Variants in COQ8B observed in about 807,000 individuals in gnomAD.
COQ8B encodes atypical kinase COQ8B, mitochondrial.
A neutral mutation model predicts 62.0 loss-of-function variants in COQ8B; 44 were observed. The observed-to-expected ratio is 0.71, with a 90% CI of 0.56 to 0.91. The LOEUF (loss-of-function observed/expected upper bound fraction) is 0.91, where lower values mean the gene tolerates loss of function less well. Ranked by LOEUF, COQ8B falls within the 40% of genes least tolerant of loss-of-function variation. COQ8B has a pLI of 0.00. For synonymous variants in COQ8B, 252 were observed against 289.9 expected (o/e 0.87, Z 1.33); for missense variants, 649 against 731.6 (o/e 0.89, Z 1.30).
At chr19:40,714,671 T>A (rs781470297) in intron 1 of COQ8B, 36 bp from the exon 2 acceptor site, 1 of 1,528,938 alleles carries the variant, frequency 6.5e-7, no homozygotes, top group African/African-American at 1.4e-5. Context: ...CAGGTGGGAG[T>A]TGCCTGGCTT....
chr19:40,714,621 CT>C lies in COQ8B; in HGVS notation c.11del (p.Lys4ArgfsTer72). 1 of 1,608,470 alleles carries C rather than the reference CT, an allele frequency of 6.2e-7. No homozygotes were observed. On this transcript the variant is annotated frameshift_variant, in exon 2 of 15. Coordinates refer to ENST00000324464, the MANE Select transcript of COQ8B (RefSeq NM_024876.4). LOFTEE classifies it high-confidence loss of function. ...CGGTCCCCCGAAGTAGGCCCCCCAC[CT>C]TCAGCCACATTGCCTGGAGGAGAAG... is the stretch of plus-strand genomic sequence containing the variant. MWLKVGGLLRGTGG... is the reference protein window; with the variant it reads MWLXVGGLLRGTGG...
Position 40,714,519 on chromosome 19 carries a change from C to G in COQ8B, c.102+12G>C. The G allele has an allele frequency of 6.2e-7, 1 of 1,613,922 alleles. No homozygotes were observed. Among genetic ancestry groups the G allele is most frequent in the Non-Finnish European group, 8.5e-7 (1 of 1,179,892 alleles). On this transcript the variant is annotated intron_variant, in intron 2 of 14. Coordinates refer to ENST00000324464, the MANE Select transcript of COQ8B (RefSeq NM_024876.4). ...CCTCTTCCCCTTGGGGACCTGCTCC[C>G]TAGCCTCTTACCCAGCGGTGGGGCC...
chr19:40,701,204 C>T lies in COQ8B; in HGVS notation c.894-753G>A, dbSNP rs558715781. 2.6e-5 allele frequency: 4 copies of T among 152,400 alleles called. No individual in the cohort carries two copies. The East Asian group carries it at 7.7e-4, about 29-fold the overall frequency. 9.4% of individuals were successfully genotyped at this position (152,400 alleles called of 1,614,324 possible). Reference sequence around the variant, plus strand: ...ATTAGCTGGGCGTGGTGGCCTGCGCCTATGTTCCCAGCTACTCAGGAGGCT... The same window carrying T: ...ATTAGCTGGGCGTGGTGGCCTGCGCTTATGTTCCCAGCTACTCAGGAGGCT... On this transcript the variant is annotated intron_variant, in intron 10 of 14. Transcript: ENST00000324464.
At position 40,715,313 on chromosome 19, in the gene COQ8B, C is replaced by T. The variant is rs572669088; in HGVS notation, c.-3-678G>A. 1.8e-5 allele frequency: 18 copies of T among 985,830 alleles called. No homozygotes were observed. The African/African-American group carries it at 2.6e-4, about 14-fold the overall frequency. 61.1% of individuals were successfully genotyped at this position (985,830 alleles called of 1,614,324 possible). On this transcript the variant is annotated intron_variant, in intron 1 of 14. Transcript: ENST00000324464. ...GGGAGCGCAAGCGTGCCCTGTCTGC[C>T]CTTCCACTCACCTCAAAGTGCCTTG...
chr19:40,700,122 A>C lies in COQ8B; in HGVS notation c.1088T>G (p.Phe363Cys). 6.2e-7 allele frequency: 1 copy of C among 1,614,248 alleles called. No individual in the cohort carries two copies. Among genetic ancestry groups the C allele is most frequent in the Non-Finnish European group, 8.5e-7 (1 of 1,180,036 alleles). Reference sequence around the variant, plus strand: ...GGCCCAGTTGGGGTCAGTCTGCATGAATCGGAACTCAAACAGCTCCCGCAG... The same window carrying C: ...GGCCCAGTTGGGGTCAGTCTGCATGCATCGGAACTCAAACAGCTCCCGCAG... ...LCLRELFEFR[F>C]MQTDPNWANF... Residue 363 changes from phenylalanine to cysteine, a missense_variant, in exon 12 of 15, where the codon TTC (phenylalanine) becomes TGC (cysteine). Phe to Cys is a radical substitution (Grantham distance 205). Coordinates refer to ENST00000324464, the MANE Select transcript of COQ8B (RefSeq NM_024876.4).
At position 40,714,106 on chromosome 19, in the gene COQ8B, C is replaced by T. The variant is rs2082165133; in HGVS notation, c.250G>A (p.Val84Met). ...AAGCGGCTGATGCGGGAGGCAGGCA[C>T]CTTGCGTTCTCGAGAGCGGTCACTC... ...QLSDRSRERKVPASRISRLAN... is the reference protein window; with the variant it reads ...QLSDRSRERKMPASRISRLAN... The change falls in exon 4 of 15, where the codon GTG (valine) becomes ATG (methionine). Residue 84 changes from valine to methionine, a missense_variant. Val to Met is a conservative substitution (Grantham distance 21). Coordinates refer to ENST00000324464, the MANE Select transcript of COQ8B (RefSeq NM_024876.4). 1 of 1,614,158 alleles carries T rather than the reference C, an allele frequency of 6.2e-7. No individual in the cohort carries two copies. The highest frequency in any genetic ancestry group is 1.1e-5 in the South Asian group (1 of 91,086).
intron 3 of COQ8B, 27 bp from the exon 4 acceptor site, chr19:40,714,160 G>A (rs749889797): frequency 1.9e-6 from 3 of 1,613,878 alleles, no homozygotes; most frequent in Non-Finnish European, 2.5e-6. Flanking sequence ...AGGTCTGAGG[G>A]TGGGAAAGTG....
chr19:40,703,668 G>A, intron 8 of COQ8B, 46 bp from the exon 9 acceptor site: 1 of 1,613,818 alleles, frequency 6.2e-7, no homozygotes, highest in East Asian at 2.2e-5. Flanking sequence ...TCACTTCTCT[G>A]GGCTAGCAGG....
intron 5 of COQ8B, among the ~76,000 whole-genome samples, chr19:40,705,950 AAAAG>A (rs975907524): frequency 1.2e-4 from 18 of 151,492 alleles, no homozygotes; most frequent in South Asian, 2.1e-4. Flanking sequence ...AAAAAAAAAG[AAAAG>A]AAAGAAAGAA....
In COQ8B at chr19:40,705,119, A is replaced by G. The variant is rs755262527; in HGVS notation, c.553T>C (p.Phe185Leu). ...IFERVRQSAD[F>L]MPRWQMLRVL... ...ACCAGCATCTGCCAGCGGGGCATGAAGTCGGCGCTCTGGCGGACCCGCTCA... is the reference window on the plus strand; with the variant it reads ...ACCAGCATCTGCCAGCGGGGCATGAGGTCGGCGCTCTGGCGGACCCGCTCA... Residue 185 changes from phenylalanine (F) to leucine (L), a missense_variant, in exon 7 of 15, where the codon TTC becomes CTC. Physicochemically the swap from Phe to Leu is conservative, Grantham distance 22. Transcript: ENST00000324464. The G allele has an allele frequency of 2.5e-6, 4 of 1,611,660 alleles. No individual in the cohort carries two copies. In the Admixed American group the frequency reaches 5.0e-5, roughly 20 times the overall value.
At chr19:40,704,218 C>T (rs1367517434) in intron 7 of COQ8B, 2 of 183,512 alleles carry the variant, frequency 1.1e-5, no homozygotes, top group Non-Finnish European at 2.3e-5. Context: ...GGCACTCTCA[C>T]GGCTCACTGC....
chr19:40,700,447 G>A lies in COQ8B; in HGVS notation c.898C>T (p.Leu300=). Residue 300 remains leucine, a synonymous_variant, in exon 11 of 15, where the codon CTG becomes TTG. Coordinates refer to ENST00000324464, the MANE Select transcript of COQ8B (RefSeq NM_024876.4). The part of the protein sequence containing the change: ...EAACAQNFRQ[L]LANDPFFRVP... ...CGGAAGAAGGGGTCATTTGCCAGCA[G>A]CTGCCTGGGGCAGAAGGAAAGGGAG... 1 of 1,612,960 alleles carries A rather than the reference G, an allele frequency of 6.2e-7. No homozygotes were observed. The highest frequency in any genetic ancestry group is 2.2e-5 in the East Asian group (1 of 44,872).
At chr19:40,715,633 A>T in intron 1 of COQ8B, 1 of 983,936 alleles carries the variant, frequency 1.0e-6, no homozygotes, top group Non-Finnish European at 1.2e-6. Context: ...TCTCTCGTGT[A>T]CATACCCTCC....
intron 4 of COQ8B, among the ~76,000 whole-genome samples, chr19:40,711,403 T>C (rs2082140954): frequency 6.6e-6 from 1 of 152,116 alleles, no homozygotes; most frequent in Non-Finnish European, 1.5e-5. Flanking sequence ...ACCTAATTTT[T>C]TATTGAGACA....
rs758323023 is a variant in COQ8B at position 40,692,004 on chromosome 19, G to A, written c.*31C>T. 1 of 1,557,328 alleles carries A rather than the reference G, an allele frequency of 6.4e-7. No homozygotes were observed. The highest frequency in any genetic ancestry group is 1.9e-5 in the Admixed American group (1 of 52,096). ...GAGGCACTACAGCAGGGTACGGCCTGCTCTGGGGACTGAATCCCCCATGGA... is the reference window on the plus strand; with the variant it reads ...GAGGCACTACAGCAGGGTACGGCCTACTCTGGGGACTGAATCCCCCATGGA... On this transcript the variant is annotated 3_prime_UTR_variant, in exon 15 of 15. Transcript: ENST00000324464.
intron 12 of COQ8B, among the ~76,000 whole-genome samples, chr19:40,698,185 C>T (rs1327374756): frequency 6.7e-6 from 1 of 149,832 alleles, no homozygotes; most frequent in Non-Finnish European, 1.5e-5. Flanking sequence ...CATTGCACTC[C>T]AGCCTGGGTG....
intron 4 of COQ8B, among the ~76,000 whole-genome samples, 173 bp downstream of exon 4, chr19:40,713,894 T>C (rs1015369896): frequency 6.6e-6 from 1 of 151,108 alleles, no homozygotes; most frequent in Non-Finnish European, 1.5e-5. Context: ...AAAAAAAAAA[T>C]TATCATTTAT....
At chr19:40,703,385 G>A (rs1599631086) in intron 9 of COQ8B, 156 bp downstream of exon 9, 13 of 737,796 alleles carry the variant, frequency 1.8e-5, no homozygotes, top group Non-Finnish European at 2.8e-5. Context: ...ATGCTCCCTG[G>A]GCTCTCCCCG....
intron 14 of COQ8B, 89 bp downstream of exon 14, chr19:40,692,862 C>T (rs2081984543): frequency 1.7e-6 from 2 of 1,153,804 alleles, no homozygotes; most frequent in South Asian, 2.7e-5. Flanking sequence ...TGCCCCATCA[C>T]CTACTCGAGT....
Sources: allele counts gnomAD v4.1 joint callset (sites outside exome capture counted in the v4.1 genomes callset), GRCh38; gene constraint gnomAD v4.1.1; transcripts MANE v1.5; gene names NCBI Gene and HGNC (gene_info 2026-07-23, HGNC 2026-07-21).